Variants in VEPH1 observed in about 807,000 individuals in gnomAD.
VEPH1 encodes the protein ventricular zone-expressed PH domain-containing protein homolog 1.
A neutral mutation model predicts 85.2 loss-of-function variants in VEPH1; 80 were observed. The ratio of observed to expected loss-of-function variants is 0.94; its 90% CI spans 0.78 to 1.13. The LOEUF (loss-of-function observed/expected upper bound fraction) is 1.13, where lower values mean the gene tolerates loss of function less well. Ranked by LOEUF, VEPH1 falls within the 50% of genes most tolerant of loss-of-function variation. VEPH1 has a pLI of 0.00. For missense variants in VEPH1, 955 were observed against 980.5 expected (o/e 0.97, Z 0.35); for synonymous variants, 297 against 348.0 (o/e 0.85, Z 1.63).
intron 11 of VEPH1, among the ~76,000 whole-genome samples, chr3:157,308,681 A>G (rs1253030360): frequency 6.6e-6 from 1 of 152,066 alleles, no homozygotes; most frequent in Non-Finnish European, 1.5e-5. Context: ...TTAAATTGGA[A>G]CTCAGTTAAA....
At position 157,470,359 on chromosome 3, in the gene VEPH1, A is replaced by T. The variant is rs186227277; in HGVS notation, c.309T>A (p.Thr103=). The part of the protein sequence containing the change: ...NLRPFGKDED[T]PHAKIASDIM... The stretch of plus-strand genomic sequence containing the variant: ...TATCAGATGCGATTTTTGCATGAGG[A>T]GTGTCTTCGTCTTTCCCAAAGGGTC... Residue 103 remains threonine (T), a synonymous_variant, in exon 3 of 14, where the codon ACT becomes ACA. Coordinates refer to ENST00000362010, the MANE Select transcript of VEPH1 (RefSeq NM_001167912.2). The T allele has an allele frequency of 8.7e-6, 14 of 1,614,046 alleles. No homozygotes were observed. In the Admixed American group the frequency reaches 2.3e-4, roughly 27 times the overall value.
intron 11 of VEPH1, among the ~76,000 whole-genome samples, chr3:157,291,458 T>C (rs931209808): frequency 1.3e-5 from 2 of 152,218 alleles, no homozygotes; most frequent in African/African-American, 2.4e-5. Flanking sequence ...TTTTATGTTT[T>C]TCAACTTGTG....
intron 9 of VEPH1, among the ~76,000 whole-genome samples, chr3:157,332,058 T>C (rs1722557780): frequency 6.6e-6 from 1 of 152,212 alleles, no homozygotes; most frequent in African/African-American, 2.4e-5. Context: ...ACATTTAAAA[T>C]ACTGCCCAGT....
intron 6 of VEPH1, among the ~76,000 whole-genome samples, chr3:157,394,744 C>T (rs930703038): frequency 3.3e-5 from 5 of 152,148 alleles, no homozygotes; most frequent in African/African-American, 1.2e-4. Context: ...CAGCATACCT[C>T]ACTCTGAAAC....
Position 157,313,602 on chromosome 3 carries a change from C to T in VEPH1, c.2010+19G>A. 1 of 1,612,042 alleles carries T rather than the reference C, an allele frequency of 6.2e-7. No individual in the cohort carries two copies. The highest frequency in any genetic ancestry group is 8.5e-7 in the Non-Finnish European group (1 of 1,178,554). On this transcript the variant is annotated intron_variant, in intron 11 of 13. Transcript: ENST00000362010. ...CTTAAATCTTGGCCTGTAACATGGC[C>T]AAGGAAAGGAATATTTACCTTCTGC...
chr3:157,369,180 G>GGAAAAAAAA (rs1553773035), intron 7 of VEPH1, among the ~76,000 whole-genome samples: 96 of 42,786 alleles, frequency 2.2e-3, no homozygotes, highest in South Asian at 0.014. Context: ...AAAACCAAAT[G>GGAAAAAAAA]AAAAAAAAAA....
chr3:157,298,804 C>G (rs574248421), intron 11 of VEPH1, among the ~76,000 whole-genome samples: 171 of 151,906 alleles, frequency 1.1e-3, no homozygotes, highest in African/African-American at 3.9e-3. Context: ...TTAAAAAAAA[C>G]ATAGAAATTA....
intron 4 of VEPH1, among the ~76,000 whole-genome samples, chr3:157,435,330 T>C (rs762774119): frequency 2.6e-5 from 4 of 152,246 alleles, no homozygotes; most frequent in Admixed American, 6.5e-5. Flanking sequence ...TCAAATATCA[T>C]TGTGAATTCT....
chr3:157,274,968 G>A (rs1050191338), intron 12 of VEPH1, among the ~76,000 whole-genome samples: 1 of 152,152 alleles, frequency 6.6e-6, no homozygotes, highest in African/African-American at 2.4e-5. Flanking sequence ...ATCTGTGGTT[G>A]CTTCCTTCTC....
chr3:157,278,734 C>G (rs1490507925), intron 12 of VEPH1, among the ~76,000 whole-genome samples: 1 of 152,130 alleles, frequency 6.6e-6, no homozygotes, highest in Non-Finnish European at 1.5e-5. Flanking sequence ...AATCCTCAAT[C>G]TTGTGGTGAT....
intron 5 of VEPH1, among the ~76,000 whole-genome samples, chr3:157,416,457 G>T (rs1445489937): frequency 6.6e-6 from 1 of 152,154 alleles, no homozygotes. Flanking sequence ...TGTCCTTCAG[G>T]AGAAGCCATG....
At chr3:157,488,503 CTTTCTTTTT>C (rs1465353847) in intron 2 of VEPH1, among the ~76,000 whole-genome samples, 80 of 134,216 alleles carry the variant, frequency 6.0e-4, no homozygotes, top group African/African-American at 2.2e-3. Context: ...TTCTTTCTTT[CTTTCTTTTT>C]TTTTTTTTTT....
Position 157,437,112 on chromosome 3 carries a change from CTCTTGG to C in VEPH1, c.530-8630_530-8625del, listed in dbSNP as rs757894792. On this transcript the variant is annotated intron_variant, in intron 4 of 13. Coordinates refer to ENST00000362010, the MANE Select transcript of VEPH1 (RefSeq NM_001167912.2). ...CTGCTAACCCTGACTACATATCCAC[CTCTTGG>C]TCTAAATAACACACATATACTTTGT... is the stretch of plus-strand genomic sequence containing the variant. 18 of 1,598,000 alleles carry C rather than the reference CTCTTGG, an allele frequency of 1.1e-5. No homozygotes were observed. The African/African-American group carries it at 2.3e-4, about 20-fold the overall frequency.
chr3:157,338,828 A>G (rs1467517957), intron 9 of VEPH1, among the ~76,000 whole-genome samples: 1 of 152,236 alleles, frequency 6.6e-6, no homozygotes, highest in Admixed American at 6.5e-5. Flanking sequence ...GGACATCTCT[A>G]TTAAGTCAGG....
chr3:157,477,167 T>C (rs778150086), intron 2 of VEPH1, among the ~76,000 whole-genome samples: 31 of 151,696 alleles, frequency 2.0e-4, no homozygotes, highest in Non-Finnish European at 4.1e-4. Context: ...GCAGGGCTGG[T>C]GCCCTCTGGA....
intron 11 of VEPH1, among the ~76,000 whole-genome samples, chr3:157,296,421 G>A (rs148295721): frequency 2.6e-5 from 4 of 152,338 alleles, no homozygotes; most frequent in East Asian, 1.9e-4. Flanking sequence ...GTGTGTATGC[G>A]TGTGTGGGCT....
chr3:157,412,430 C>A (rs1731600237), intron 6 of VEPH1, among the ~76,000 whole-genome samples: 2 of 152,118 alleles, frequency 1.3e-5, no homozygotes, highest in South Asian at 4.1e-4. Flanking sequence ...AAAAGAATTA[C>A]CATTAAATTG....
chr3:157,356,235 C>T (rs966807710), intron 9 of VEPH1, among the ~76,000 whole-genome samples: 3 of 151,174 alleles, frequency 2.0e-5, no homozygotes, highest in Non-Finnish European at 3.0e-5. Context: ...CAAACAACAA[C>T]AACAAAAAAA....
chr3:157,473,067 C>CTTTTTTTTTTT (rs200991031), intron 2 of VEPH1, among the ~76,000 whole-genome samples: 3 of 82,674 alleles, frequency 3.6e-5, no homozygotes, highest in Non-Finnish European at 6.4e-5. Flanking sequence ...TTAAATGAAC[C>CTTTTTTTTTTT]TTTTTTTTTT....
Sources: allele counts gnomAD v4.1 joint callset (sites outside exome capture counted in the v4.1 genomes callset), GRCh38; gene constraint gnomAD v4.1.1; transcripts MANE v1.5; gene names NCBI Gene and HGNC (gene_info 2026-07-23, HGNC 2026-07-21).